Variants in DSCAM observed in about 807,000 individuals in gnomAD.
The protein encoded by DSCAM is DS cell adhesion molecule, also known as cell adhesion molecule DSCAM.
In DSCAM, 47 loss-of-function variants were observed where a neutral mutation model predicts 217.7. The ratio of observed to expected loss-of-function variants is 0.22; its 90% CI spans 0.17 to 0.28. The LOEUF (loss-of-function observed/expected upper bound fraction) is 0.28. Among genes scored for constraint, DSCAM ranks in the 10% least tolerant of loss-of-function variants. The probability of loss-of-function intolerance (pLI) is 1.00; values close to 1 mark genes in which losing one functional copy is unlikely to be tolerated. For synonymous variants in DSCAM, 1,056 were observed against 1,015.3 expected (o/e 1.04, Z -0.76); for missense variants, 2,080 against 2,618.3 (o/e 0.79, Z 4.49).
chr21:40,517,126 T>C (rs1042987504), intron 3 of DSCAM, among the ~76,000 whole-genome samples: 1 of 148,110 alleles, frequency 6.8e-6, no homozygotes, highest in African/African-American at 2.5e-5. Flanking sequence ...CTTATGTGTA[T>C]ATATATATAC....
At chr21:40,139,723 A>G (rs2090265102) in intron 18 of DSCAM, among the ~76,000 whole-genome samples, 1 of 150,712 alleles carries the variant, frequency 6.6e-6, no homozygotes, top group Non-Finnish European at 1.5e-5. Flanking sequence ...ATGTACATGC[A>G]GTTTGTGTAT....
At chr21:40,068,206 A>G (rs527385832) in intron 27 of DSCAM, among the ~76,000 whole-genome samples, 2 of 152,326 alleles carry the variant, frequency 1.3e-5, no homozygotes, top group Non-Finnish European at 1.5e-5. Context: ...GGGCTAAAAA[A>G]TGATGGCTGA....
intron 9 of DSCAM, among the ~76,000 whole-genome samples, chr21:40,305,322 A>G (rs2074060469): frequency 6.8e-6 from 1 of 146,290 alleles, no homozygotes; most frequent in Admixed American, 6.9e-5. Context: ...CCCGGAAGGT[A>G]GAGGTTGCAG....
At chr21:40,816,362 C>T (rs865905548) in intron 1 of DSCAM, among the ~76,000 whole-genome samples, 4 of 152,114 alleles carry the variant, frequency 2.6e-5, no homozygotes, top group East Asian at 1.9e-4. Flanking sequence ...AGGCTGATCA[C>T]GAGGTCAGGA....
At chr21:40,429,275 T>A (rs2075507120) in intron 3 of DSCAM, among the ~76,000 whole-genome samples, 1 of 152,206 alleles carries the variant, frequency 6.6e-6, no homozygotes, top group South Asian at 2.1e-4. Flanking sequence ...TTGTGCTTTT[T>A]TTTTTTTGGA....
At position 40,474,990 on chromosome 21, in the gene DSCAM, GA is replaced by G. The variant is rs140483654; in HGVS notation, c.509-105746del. Reference sequence around the variant, plus strand: ...CTTCTGAAGATTGGCATCTCTCCAGGAAAAAAAAAAGCCCATCACCCCAAAC... The same window carrying G: ...CTTCTGAAGATTGGCATCTCTCCAGGAAAAAAAAAGCCCATCACCCCAAAC... On this transcript the variant is annotated intron_variant, in intron 3 of 32. Transcript: ENST00000400454. 3.5e-3 allele frequency among the ~76,000 whole-genome samples: 516 copies of G among 147,278 alleles called. 3 individuals are homozygous for G. Among genetic ancestry groups the G allele is most frequent in the African/African-American group, 0.012 (486 of 40,204 alleles).
chr21:40,384,897 T>C (rs2075067486), intron 3 of DSCAM: 1 of 152,194 alleles, frequency 6.6e-6, no homozygotes, highest in African/African-American at 2.4e-5. Context: ...CTCATCCATG[T>C]ACCCATTTCT....
chr21:40,156,840 C>A (rs2090483850), intron 16 of DSCAM, among the ~76,000 whole-genome samples: 1 of 152,130 alleles, frequency 6.6e-6, no homozygotes, highest in Non-Finnish European at 1.5e-5. Context: ...AGGGATTGTG[C>A]CCCTGCCCCA....
At chr21:40,136,169 T>C (rs554144416) in intron 18 of DSCAM, among the ~76,000 whole-genome samples, 4 of 152,220 alleles carry the variant, frequency 2.6e-5, no homozygotes, top group Non-Finnish European at 5.9e-5. Context: ...GGAGACTGTG[T>C]GAGCATGTGT....
chr21:40,787,431 C>G (rs1272754373), intron 1 of DSCAM, among the ~76,000 whole-genome samples: 1 of 152,176 alleles, frequency 6.6e-6, no homozygotes, highest in Non-Finnish European at 1.5e-5. Flanking sequence ...TCTACCACTT[C>G]CTCATATCAG....
chr21:40,788,416 T>C (rs965055430), intron 1 of DSCAM, among the ~76,000 whole-genome samples: 1 of 152,192 alleles, frequency 6.6e-6, no homozygotes, highest in African/African-American at 2.4e-5. Context: ...ATAACTTTTG[T>C]TTTATACCTT....
rs188843861 is a variant in DSCAM, at chr21:40,520,496, G to T, written c.509-151251C>A. On this transcript the variant is annotated intron_variant, in intron 3 of 32. Coordinates refer to ENST00000400454, the MANE Select transcript of DSCAM (RefSeq NM_001389.5). ...GAGGAAATAAAACACAAACACTAAC[G>T]TGAGAATGGATGAAAAGTTATGTAG... is the stretch of plus-strand genomic sequence containing the variant. Among the ~76,000 whole-genome samples, 13 of 152,134 alleles carry T rather than the reference G, an allele frequency of 8.5e-5. No homozygotes were observed. The East Asian group carries it at 1.5e-3, about 18-fold the overall frequency.
chr21:40,650,950 G>C (rs2090006234), intron 3 of DSCAM, among the ~76,000 whole-genome samples: 1 of 152,172 alleles, frequency 6.6e-6, no homozygotes, highest in Non-Finnish European at 1.5e-5. Flanking sequence ...GGAGCCTGGA[G>C]AGTGGGTCAG....
chr21:40,397,604 G>A (rs1261906988), intron 3 of DSCAM, among the ~76,000 whole-genome samples: 1 of 152,046 alleles, frequency 6.6e-6, no homozygotes, highest in Non-Finnish European at 1.5e-5. Flanking sequence ...TTCAAGAACA[G>A]CCTAAAACAC....
intron 3 of DSCAM, among the ~76,000 whole-genome samples, chr21:40,563,709 T>TAC (rs2076741542): frequency 1.4e-5 from 2 of 145,238 alleles, no homozygotes; most frequent in Admixed American, 6.9e-5. Context: ...TGTGTGTATA[T>TAC]AGTTATGTTT....
At chr21:40,712,320 G>A (rs71316171) in intron 1 of DSCAM, among the ~76,000 whole-genome samples, 5,025 of 151,566 alleles carry the variant, frequency 0.033, 116 homozygotes, top group East Asian at 0.11. Flanking sequence ...AAAATTAGCC[G>A]GGCACGGTGG....
intron 1 of DSCAM, among the ~76,000 whole-genome samples, chr21:40,795,820 G>T (rs2091686698): frequency 6.6e-6 from 1 of 152,204 alleles, no homozygotes. Context: ...TTTAACTGCA[G>T]ATGCCTCAGA....
intron 32 of DSCAM, among the ~76,000 whole-genome samples, chr21:40,021,205 C>CAAAAAAAAAAAA (rs763435750): frequency 1.2e-5 from 1 of 85,074 alleles, no homozygotes; most frequent in African/African-American, 4.7e-5. Context: ...GACTCCGTCT[C>CAAAAAAAAAAAA]AAAAAAAAAA....
At chr21:40,503,508 C>T (rs1177818550) in intron 3 of DSCAM, among the ~76,000 whole-genome samples, 1 of 152,204 alleles carries the variant, frequency 6.6e-6, no homozygotes, top group Non-Finnish European at 1.5e-5. Flanking sequence ...GTTTCTCCCA[C>T]CAACTGTTGT....
Sources: allele counts gnomAD v4.1 joint callset (sites outside exome capture counted in the v4.1 genomes callset), GRCh38; gene constraint gnomAD v4.1.1; transcripts MANE v1.5; gene names NCBI Gene and HGNC (gene_info 2026-07-23, HGNC 2026-07-21).